The following DYNC1H1 variants were observed in gnomAD, a reference collection of about 807,000 sequenced individuals.
The protein encoded by DYNC1H1 is dynein cytoplasmic 1 heavy chain 1, also known as cytoplasmic dynein 1 heavy chain 1.
In DYNC1H1, 51 loss-of-function variants were observed where a neutral mutation model predicts 527.1. The ratio of observed to expected loss-of-function variants is 0.10; its 90% CI spans 0.08 to 0.12. The LOEUF is 0.12. Among genes scored for constraint, DYNC1H1 ranks in the 10% least tolerant of loss-of-function variants. The pLI is 1.00. For missense variants in DYNC1H1, 2,771 were observed against 5,971.8 expected (o/e 0.46, Z 17.66); for synonymous variants, 2,189 against 2,278.8 (o/e 0.96, Z 1.12).
In DYNC1H1 at chr14:102,011,541, A is replaced by G; in HGVS notation, c.6619-334A>G. On this transcript the variant is annotated intron_variant, in intron 32 of 77. Coordinates refer to ENST00000360184, the MANE Select transcript of DYNC1H1 (RefSeq NM_001376.5). This position sits in a 1 kb window ranked among gnomAD's most constrained non-coding sequence, Gnocchi z 5.3. ...TACTAAAGAACTCGCCACAGTTTGG[A>G]AATGTTTGTTTTACATGTGACCTGT... The G allele has an allele frequency of 2.7e-6, 1 of 367,306 alleles. No homozygotes were observed. The allele number at this position is 367,306 out of a possible 1,614,324, so 22.8% of individuals were successfully genotyped here.
At chr14:102,008,485 A>G (rs1375652374) in intron 29 of DYNC1H1, 148 bp downstream of exon 29, 1 of 1,200,362 alleles carries the variant, frequency 8.3e-7, no homozygotes, top group Non-Finnish European at 1.2e-6. Context: ...CTGTGGTTAA[A>G]GACGGAAGGT....
intron 34 of DYNC1H1, among the ~76,000 whole-genome samples, chr14:102,014,147 T>C (rs1038652004): frequency 2.6e-5 from 4 of 152,170 alleles, no homozygotes; most frequent in African/African-American, 9.7e-5. Flanking sequence ...CAATTACAGC[T>C]CCGAGGTTAA....
intron 15 of DYNC1H1, among the ~76,000 whole-genome samples, chr14:101,996,495 C>T (rs937593388): frequency 2.0e-5 from 3 of 152,082 alleles, no homozygotes; most frequent in Non-Finnish European, 4.4e-5. Flanking sequence ...GTATCCTGTC[C>T]GGGGCCATCC....
rs756617545 is a variant in DYNC1H1, at chr14:102,042,589, G to A, written c.12400-46G>A. ...ACGTGTGTGGTGGAATTGAACAGGCGCCCTCATCCACACCCGAGCATAACT... is the reference window on the plus strand; with the variant it reads ...ACGTGTGTGGTGGAATTGAACAGGCACCCTCATCCACACCCGAGCATAACT... On this transcript the variant is annotated intron_variant, in intron 68 of 77. Transcript: ENST00000360184. This position sits in a 1 kb window ranked among gnomAD's most constrained non-coding sequence, Gnocchi z 5.7. 63 of 1,613,558 alleles carry A rather than the reference G, an allele frequency of 3.9e-5. No homozygotes were observed. Among genetic ancestry groups the A allele is most frequent in the Non-Finnish European group, 3.4e-5 (40 of 1,179,862 alleles).
intron 34 of DYNC1H1, among the ~76,000 whole-genome samples, chr14:102,013,122 G>T (rs1431038934): frequency 6.6e-6 from 1 of 151,956 alleles, no homozygotes; most frequent in African/African-American, 2.4e-5. Flanking sequence ...GGTGGTGGGT[G>T]CCTGTAGTCC....
At position 102,034,174 on chromosome 14, in the gene DYNC1H1, C is replaced by G. The variant is rs1163121657; in HGVS notation, c.10612C>G (p.Gln3538Glu). 6.2e-7 allele frequency: 1 copy of G among 1,614,080 alleles called. No homozygotes were observed. The highest frequency in any genetic ancestry group is 8.5e-7 in the Non-Finnish European group (1 of 1,180,062). The change falls in exon 55 of 78, where the codon CAA becomes GAA. Residue 3538 changes from glutamine (Q) to glutamate (E), a missense_variant. By Grantham distance (29) the Gln-to-Glu change is conservative. Transcript: ENST00000360184. ...LFTTWSHHLQ[Q>E]ANIQFRTDIA... Reference sequence around the variant, plus strand: ...CACTACCTGGTCCCATCACCTACAGCAAGCCAACATCCAGGTGAGAATCAC... The same window carrying G: ...CACTACCTGGTCCCATCACCTACAGGAAGCCAACATCCAGGTGAGAATCAC...
At chr14:102,048,795 CTG>C (rs2152600651) in intron 74 of DYNC1H1, 126 bp downstream of exon 74, 7 of 749,656 alleles carry the variant, frequency 9.3e-6, no homozygotes, top group African/African-American at 8.0e-5. Context: ...GAGAGCAGCT[CTG>C]TGCTCTTACC....
chr14:102,022,203 A>C (rs1003836905), intron 42 of DYNC1H1, among the ~76,000 whole-genome samples: 7 of 151,954 alleles, frequency 4.6e-5, no homozygotes, highest in African/African-American at 1.4e-4. Context: ...AGTAAGTAAG[A>C]GTGAGACTCT....
Position 102,027,665 on chromosome 14 carries a change from A to T in DYNC1H1, c.9095A>T (p.Gln3032Leu), listed in dbSNP as rs1348362707. The T allele has an allele frequency of 6.2e-7, 1 of 1,614,122 alleles. No individual in the cohort carries two copies. Among genetic ancestry groups the T allele is most frequent in the Admixed American group, 1.7e-5 (1 of 60,012 alleles). The change falls in exon 47 of 78, where the codon CAG becomes CTG. Residue 3032 changes from glutamine (Q) to leucine (L), a missense_variant. Coordinates refer to ENST00000360184, the MANE Select transcript of DYNC1H1 (RefSeq NM_001376.5). This position sits in a 1 kb window ranked among gnomAD's most constrained non-coding sequence, Gnocchi z 7.7. ...EGDEYATLMT[Q>L]CKEGAQKEGL... ...GACGAGTATGCCACCTTGATGACGC[A>T]GTGCAAAGAGGGGGCACAGAAGGAA... is the stretch of plus-strand genomic sequence containing the variant.
In DYNC1H1 at chr14:101,997,343, A is replaced by G. The variant is rs145975079; in HGVS notation, c.3804+69A>G. ...AGTGTGATTTGGTGACTTTCTTTCA[A>G]GCCTAAAAGGCCTTGCTGTGACTGA... is the stretch of plus-strand genomic sequence containing the variant. On this transcript the variant is annotated intron_variant, in intron 16 of 77. Coordinates refer to ENST00000360184, the MANE Select transcript of DYNC1H1 (RefSeq NM_001376.5). The surrounding 1 kb of genome is among the most constrained non-coding windows in gnomAD (Gnocchi z 4.8). 6.6e-4 allele frequency: 1,058 copies of G among 1,610,654 alleles called. 10 individuals carry two copies. In the African/African-American group the frequency reaches 0.011, roughly 17 times the overall value.
rs551114902 is a variant in DYNC1H1 at position 101,975,808 on chromosome 14, T to C, written c.344+9T>C. 5 of 1,567,562 alleles carry C rather than the reference T, an allele frequency of 3.2e-6. No homozygotes were observed. In the South Asian group the frequency reaches 5.6e-5, roughly 17 times the overall value. On this transcript the variant is annotated intron_variant, in intron 2 of 77. Transcript: ENST00000360184. ...GGGGTTAAATCCAATAGGTGAGTAG[T>C]ACAAATATTACCATTATCTCAGGTT... is the stretch of plus-strand genomic sequence containing the variant.
Position 102,030,197 on chromosome 14 carries a change from G to A in DYNC1H1, c.9798G>A (p.Lys3266=). The change falls in exon 51 of 78, where the codon AAG becomes AAA. Residue 3266 remains lysine, a synonymous_variant. Coordinates refer to ENST00000360184, the MANE Select transcript of DYNC1H1 (RefSeq NM_001376.5). The part of the protein sequence containing the change: ...MSQEIQEQLH[K]QQEVIADKQM... ...AAGAAATCCAGGAACAGCTGCATAA[G>A]CAGCAGGAGGTAATTGCAGACAAAC... 1 of 1,614,154 alleles carries A rather than the reference G, an allele frequency of 6.2e-7. No individual in the cohort carries two copies. Among genetic ancestry groups the A allele is most frequent in the Non-Finnish European group, 8.5e-7 (1 of 1,180,030 alleles).
Position 101,975,496 on chromosome 14 carries a change from G to A in DYNC1H1, c.257-216G>A, listed in dbSNP as rs17540610. Among the ~76,000 whole-genome samples the A allele has an allele frequency of 5.6e-3, 846 of 152,262 alleles. 17 individuals carry two copies. The highest frequency in any genetic ancestry group is 0.038 in the East Asian group (198 of 5,186). ...CTTGCAGAAGCCCTGGCATGCTCAC[G>A]CTACCCCACTTCACAGACAACCGCC... On this transcript the variant is annotated intron_variant, in intron 1 of 77. Coordinates refer to ENST00000360184, the MANE Select transcript of DYNC1H1 (RefSeq NM_001376.5).
intron 1 of DYNC1H1, among the ~76,000 whole-genome samples, chr14:101,968,521 A>G (rs184230959): frequency 6.6e-6 from 1 of 151,614 alleles, no homozygotes; most frequent in Admixed American, 6.6e-5. Flanking sequence ...GGTGTGAGCT[A>G]CCACACCCCA....
rs1210573185 is a variant in DYNC1H1, at chr14:102,020,588, C to G, written c.8507+532C>G. Among the ~76,000 whole-genome samples, 1 of 152,176 alleles carries G rather than the reference C, an allele frequency of 6.6e-6. No individual in the cohort carries two copies. The highest frequency in any genetic ancestry group is 1.5e-5 in the Non-Finnish European group (1 of 68,038). ...GCTGCAGCTCTGGGGCACTGGTTTT[C>G]TCTTTTACCTGTTGCCCACTTGGAT... On this transcript the variant is annotated intron_variant, in intron 42 of 77. Coordinates refer to ENST00000360184, the MANE Select transcript of DYNC1H1 (RefSeq NM_001376.5). The surrounding 1 kb of genome is among the most constrained non-coding windows in gnomAD (Gnocchi z 4.3).
rs1287290076 is a variant in DYNC1H1, at chr14:102,034,204, A to C, written c.10626+16A>C. On this transcript the variant is annotated intron_variant, in intron 55 of 77. Coordinates refer to ENST00000360184, the MANE Select transcript of DYNC1H1 (RefSeq NM_001376.5). ...CAACATCCAGGTGAGAATCACGGGGAGTTCAAAAAGGATGTGCGAGCAGTG... is the reference window on the plus strand; with the variant it reads ...CAACATCCAGGTGAGAATCACGGGGCGTTCAAAAAGGATGTGCGAGCAGTG... 6.2e-7 allele frequency: 1 copy of C among 1,614,166 alleles called. No individual in the cohort carries two copies. The highest frequency in any genetic ancestry group is 1.1e-5 in the South Asian group (1 of 91,080).
rs749507372 is a variant in DYNC1H1 at position 102,046,167 on chromosome 14, C to CAA, written c.13006+1483_13006+1484dup. Among the ~76,000 whole-genome samples the CAA allele has an allele frequency of 6.7e-4, 80 of 119,602 alleles. 1 individual carries two copies. The highest frequency in any genetic ancestry group is 2.0e-3 in the African/African-American group (66 of 32,228). 78.5% of individuals were successfully genotyped at this position (119,602 alleles called of 152,430 possible). A position where few individuals can be genotyped will look rare whatever the true frequency, so the allele number is the denominator to read the frequency against. On this transcript the variant is annotated intron_variant, in intron 72 of 77. Transcript: ENST00000360184. ...TGGGCGACAGAGCAAGACTTTGTCT[C>CAA]AAAAAAAAAAAAAAAGAAATGCGGG...
At chr14:101,966,423 T>A (rs77066262) in intron 1 of DYNC1H1, among the ~76,000 whole-genome samples, 13 of 149,774 alleles carry the variant, frequency 8.7e-5, no homozygotes, top group African/African-American at 2.7e-4. Context: ...AAAAAAAAAA[T>A]TTATCTACTC....
At chr14:102,048,899 T>C in intron 74 of DYNC1H1, 1 of 597,066 alleles carries the variant, frequency 1.7e-6, no homozygotes, top group Non-Finnish European at 2.9e-6. Flanking sequence ...ACCAAAATCT[T>C]TACACAACTT....
Sources: gnomAD v4.1 joint callset for allele counts (sites outside exome capture counted in the v4.1 genomes callset) on GRCh38, gnomAD v4.1.1 for gene constraint, Gnocchi (gnomAD v3.1) non-coding constraint, MANE v1.5 for transcripts, NCBI Gene and HGNC (gene_info 2026-07-23, HGNC 2026-07-21) for gene names.